ANKS1B: variants seen among roughly 807,000 people sequenced by gnomAD.
ANKS1B encodes the protein ankyrin repeat and sterile alpha motif domain containing 1B, also known as ankyrin repeat and sterile alpha motif domain-containing protein 1B.
ANKS1B carries 36 observed loss-of-function variants against 148.3 expected under a neutral mutation model. The ratio of observed to expected loss-of-function variants is 0.24; its 90% confidence interval spans 0.19 to 0.32. The LOEUF (loss-of-function observed/expected upper bound fraction) is 0.32, where lower values mean the gene tolerates loss of function less well. ANKS1B is among the 10% of genes least tolerant of loss of function. ANKS1B has a pLI of 1.00. For missense variants in ANKS1B, 1,157 were observed against 1,542.6 expected (o/e 0.75, Z 4.19); for synonymous variants, 542 against 560.8 (o/e 0.97, Z 0.47).
chr12:98,754,850 C>A (rs2098192500), intron 25 of ANKS1B, among the ~76,000 whole-genome samples: 1 of 152,234 alleles, frequency 6.6e-6, no homozygotes, highest in Non-Finnish European at 1.5e-5. Context: ...GACACACAGA[C>A]CAGACTGTTG....
At chr12:99,255,326 G>T (rs1422774691) in intron 12 of ANKS1B, among the ~76,000 whole-genome samples, 1 of 151,946 alleles carries the variant, frequency 6.6e-6, no homozygotes, top group Non-Finnish European at 1.5e-5. Flanking sequence ...TGTATCTGTA[G>T]ATTTACCCCC....
At chr12:98,796,375 G>A (rs191006246) in intron 22 of ANKS1B, among the ~76,000 whole-genome samples, 4 of 152,108 alleles carry the variant, frequency 2.6e-5, no homozygotes, top group Non-Finnish European at 4.4e-5. Context: ...TTTTTAGACC[G>A]TCTGTGTCCT....
intron 9 of ANKS1B, chr12:99,649,173 G>A: frequency 1.2e-6 from 1 of 819,846 alleles, no homozygotes; most frequent in South Asian, 1.6e-5. Flanking sequence ...ATACATTGGT[G>A]GCAACACAAC....
chr12:98,930,615 T>G (rs2099812820), intron 17 of ANKS1B, among the ~76,000 whole-genome samples: 1 of 152,114 alleles, frequency 6.6e-6, no homozygotes, highest in African/African-American at 2.4e-5. Flanking sequence ...AATGAAGTAC[T>G]TATACATACT....
intron 12 of ANKS1B, among the ~76,000 whole-genome samples, chr12:99,398,126 G>T (rs941136542): frequency 6.6e-6 from 1 of 152,112 alleles, no homozygotes; most frequent in African/African-American, 2.4e-5. Flanking sequence ...AACATTTTAA[G>T]CATGGTAATG....
intron 17 of ANKS1B, among the ~76,000 whole-genome samples, chr12:98,854,266 C>T (rs1012363750): frequency 1.3e-5 from 2 of 152,086 alleles, no homozygotes; most frequent in African/African-American, 2.4e-5. Flanking sequence ...AAACCAGCCA[C>T]GGGTGGGAAT....
chr12:99,901,589 ACTCCAAAAC>A (rs2093603082), intron 1 of ANKS1B, among the ~76,000 whole-genome samples: 1 of 152,012 alleles, frequency 6.6e-6, no homozygotes, highest in African/African-American at 2.4e-5. Flanking sequence ...TTCTGGTACA[ACTCCAAAAC>A]CTCATTTAGA....
intron 9 of ANKS1B, chr12:99,649,183 C>A (rs1332344163): frequency 5.6e-6 from 5 of 890,128 alleles, no homozygotes; most frequent in Admixed American, 1.9e-5. Context: ...GGCAACACAA[C>A]ATGTTTGTGT....
intron 10 of ANKS1B, among the ~76,000 whole-genome samples, chr12:99,479,757 T>C (rs763882423): frequency 1.2e-4 from 18 of 151,850 alleles, no homozygotes; most frequent in Non-Finnish European, 2.7e-4. Flanking sequence ...AGAATGTTAG[T>C]CGAAAGGAGA....
intron 17 of ANKS1B, among the ~76,000 whole-genome samples, chr12:98,965,622 G>C (rs926048449): frequency 6.6e-6 from 1 of 152,138 alleles, no homozygotes; most frequent in Non-Finnish European, 1.5e-5. Context: ...AAAGCTGGAG[G>C]CATCACGCTA....
intron 9 of ANKS1B, among the ~76,000 whole-genome samples, chr12:99,650,959 C>T (rs1028438257): frequency 6.6e-6 from 1 of 152,104 alleles, no homozygotes; most frequent in African/African-American, 2.4e-5. Context: ...GTTTCCATAA[C>T]ACTCATGATT....
At chr12:99,965,444 T>C (rs2095473368) in intron 1 of ANKS1B, among the ~76,000 whole-genome samples, 1 of 152,226 alleles carries the variant, frequency 6.6e-6, no homozygotes, top group Non-Finnish European at 1.5e-5. Flanking sequence ...TGCATAAATG[T>C]ACCTCCACAC....
At chr12:99,413,804 G>C (rs1323555972) in intron 11 of ANKS1B, among the ~76,000 whole-genome samples, 2 of 152,104 alleles carry the variant, frequency 1.3e-5, no homozygotes, top group African/African-American at 4.8e-5. Context: ...ATCCCACATA[G>C]GAGCAAGGTC....
chr12:99,051,603 C>G (rs964800144), intron 17 of ANKS1B, among the ~76,000 whole-genome samples: 13 of 152,160 alleles, frequency 8.5e-5, no homozygotes, highest in African/African-American at 3.1e-4. Flanking sequence ...AAAAGCAATA[C>G]TGTTTCAGTT....
chr12:99,471,361 T>G (rs1002932386), intron 10 of ANKS1B, among the ~76,000 whole-genome samples: 1 of 152,062 alleles, frequency 6.6e-6, no homozygotes, highest in African/African-American at 2.4e-5. Context: ...TATTATAACT[T>G]TGGAAGCCCA....
chr12:99,179,272 CA>C (rs1428929907), intron 14 of ANKS1B, among the ~76,000 whole-genome samples: 1 of 150,898 alleles, frequency 6.6e-6, no homozygotes, highest in Admixed American at 6.6e-5. Flanking sequence ...ACTAAAAATA[CA>C]AAAAAATTAG....
At chr12:99,074,653 C>T (rs1308585077) in intron 16 of ANKS1B, among the ~76,000 whole-genome samples, 2 of 152,138 alleles carry the variant, frequency 1.3e-5, no homozygotes, top group African/African-American at 2.4e-5. Flanking sequence ...ATGAATCTCA[C>T]CCTAGGAAAT....
chr12:99,213,800 T>C (rs1293891168), intron 14 of ANKS1B, among the ~76,000 whole-genome samples: 1 of 152,244 alleles, frequency 6.6e-6, no homozygotes, highest in East Asian at 1.9e-4. Context: ...GCAGTCATCA[T>C]AGTTGTTTCT....
intron 14 of ANKS1B, among the ~76,000 whole-genome samples, chr12:99,230,366 T>C (rs1441437635): frequency 1.3e-5 from 2 of 152,148 alleles, no homozygotes; most frequent in Non-Finnish European, 2.9e-5. Flanking sequence ...TGGTTGATCA[T>C]ATATCAGAGA....
Sources: gnomAD v4.1 joint callset for allele counts (sites outside exome capture counted in the v4.1 genomes callset) on GRCh38, gnomAD v4.1.1 for gene constraint, MANE v1.5 for transcripts, NCBI Gene and HGNC (gene_info 2026-07-23, HGNC 2026-07-21) for gene names.